PTPN5: variants seen among roughly 807,000 people sequenced by gnomAD.
PTPN5 encodes tyrosine-protein phosphatase non-receptor type 5.
PTPN5 carries 29 observed loss-of-function variants against 73.9 expected under a neutral mutation model. The ratio of observed to expected loss-of-function variants is 0.39; its 90% CI spans 0.29 to 0.54. The LOEUF (loss-of-function observed/expected upper bound fraction) is 0.54, where lower values mean the gene tolerates loss of function less well. PTPN5 is among the 20% of genes least tolerant of loss of function. The pLI, the probability that PTPN5 is intolerant of heterozygous loss-of-function variation, is 0.65. For synonymous variants in PTPN5, 267 were observed against 304.7 expected, an observed-to-expected ratio of 0.88 and a Z score of 1.29; for missense variants, 652 against 751.4, an observed-to-expected ratio of 0.87 and a Z score of 1.55.
rs1398041055 is a variant in PTPN5 at position 18,729,987 on chromosome 11, G to C, written c.1330-169C>G. On this transcript the variant is annotated intron_variant, in intron 12 of 14. Transcript: ENST00000358540. The surrounding 1 kb of genome is among the most constrained non-coding windows in gnomAD (Gnocchi z 5.2). ...ACATTGCCCAGTGGCACCAGACACAGACCCAAAGCCAGCTTGGTTTTGGGG... is the reference window on the plus strand; with the variant it reads ...ACATTGCCCAGTGGCACCAGACACACACCCAAAGCCAGCTTGGTTTTGGGG... 3.5e-6 allele frequency: 3 copies of C among 865,086 alleles called. No homozygotes were observed. Among genetic ancestry groups the C allele is most frequent in the South Asian group, 3.3e-5 (2 of 61,356 alleles). The allele number at this position is 865,086 out of a possible 1,614,324, so 53.6% of individuals were successfully genotyped here.
At chr11:18,753,152 AC>A (rs1849969868) in intron 3 of PTPN5, among the ~76,000 whole-genome samples, 1 of 152,208 alleles carries the variant, frequency 6.6e-6, no homozygotes, top group Non-Finnish European at 1.5e-5. Context: ...AATCCAGGTG[AC>A]AGGAAGTGAA....
At chr11:18,770,636 C>T (rs533712550) in intron 2 of PTPN5, among the ~76,000 whole-genome samples, 3 of 152,340 alleles carry the variant, frequency 2.0e-5, no homozygotes, top group East Asian at 1.9e-4. Context: ...CCTCCCATCA[C>T]GCTTGTGGTT....
chr11:18,782,372 T>C (rs1851476938), intron 1 of PTPN5, among the ~76,000 whole-genome samples: 1 of 151,930 alleles, frequency 6.6e-6, no homozygotes, highest in South Asian at 2.1e-4. Context: ...GGACTACAGG[T>C]GTGTACCACC....
chr11:18,744,018 G>A lies in PTPN5; in HGVS notation c.279C>T (p.Ala93=), dbSNP rs1239471146. The change falls in exon 4 of 15, where the codon GCC becomes GCT. Residue 93 remains alanine (A), a synonymous_variant. Coordinates refer to ENST00000358540, the MANE Select transcript of PTPN5 (RefSeq NM_006906.2). ...TVRSSLCLFA[A]SQFLLACGVL... The stretch of plus-strand genomic sequence containing the variant: ...GTGCCATCCTTACCAGGAACTGTGA[G>A]GCAGCGAACAGGCACAGGCTGCTCC... 5 of 1,601,906 alleles carry A rather than the reference G, an allele frequency of 3.1e-6. No individual in the cohort carries two copies. The highest frequency in any genetic ancestry group is 2.3e-5 in the East Asian group (1 of 44,100).
intron 1 of PTPN5, among the ~76,000 whole-genome samples, chr11:18,775,104 T>C (rs75908766): frequency 0.014 from 2,201 of 152,288 alleles, 49 homozygotes; most frequent in African/African-American, 0.05. Flanking sequence ...TACTAACGTT[T>C]CCTGCATTTT....
chr11:18,733,711 G>A lies in PTPN5; in HGVS notation c.1001-76C>T. The A allele has an allele frequency of 8.0e-7, 1 of 1,257,404 alleles. No individual in the cohort carries two copies. Among genetic ancestry groups the A allele is most frequent in the Non-Finnish European group, 1.2e-6 (1 of 857,500 alleles). 77.9% of individuals were successfully genotyped at this position (1,257,404 alleles called of 1,614,324 possible). ...GACCCACTTGCTCTGGCCTATTCCAGCATACCCACACTTCTTCTGCGACAT... is the reference window on the plus strand; with the variant it reads ...GACCCACTTGCTCTGGCCTATTCCAACATACCCACACTTCTTCTGCGACAT... On this transcript the variant is annotated intron_variant, in intron 9 of 14. Coordinates refer to ENST00000358540, the MANE Select transcript of PTPN5 (RefSeq NM_006906.2). This position sits in a 1 kb window ranked among gnomAD's most constrained non-coding sequence, Gnocchi z 4.3.
chr11:18,781,760 A>C (rs528248376), intron 1 of PTPN5, among the ~76,000 whole-genome samples: 1 of 152,138 alleles, frequency 6.6e-6, no homozygotes, highest in African/African-American at 2.4e-5. Flanking sequence ...ACAGATAACT[A>C]AGAGCCAGTC....
intron 11 of PTPN5, 142 bp from the exon 12 acceptor site, chr11:18,732,844 C>T (rs1423658347): frequency 2.9e-6 from 2 of 678,964 alleles, no homozygotes; most frequent in East Asian, 5.4e-5. Context: ...CAGCTGCAAA[C>T]TCTATAAGCT....
chr11:18,740,862 G>T, intron 7 of PTPN5, 70 bp from the exon 8 acceptor site: 1 of 1,100,080 alleles, frequency 9.1e-7, no homozygotes, highest in Non-Finnish European at 1.2e-6. Context: ...GGTCTCCAGG[G>T]CTGGGAAAAT....
intron 1 of PTPN5, among the ~76,000 whole-genome samples, chr11:18,781,374 C>T (rs1851422972): frequency 7.1e-6 from 1 of 140,012 alleles, no homozygotes; most frequent in African/African-American, 2.6e-5. Context: ...GGCTGGAGCG[C>T]AGCGGCGCGA....
At chr11:18,772,171 G>A (rs1802809496) in intron 1 of PTPN5, 100 bp from the exon 2 acceptor site, 1 of 532,838 alleles carries the variant, frequency 1.9e-6, no homozygotes, top group African/African-American at 2.0e-5. Context: ...TTTCCTTCTG[G>A]GAGTCACCTT....
chr11:18,738,210 C>T (rs1849202759), intron 8 of PTPN5, among the ~76,000 whole-genome samples: 1 of 152,216 alleles, frequency 6.6e-6, no homozygotes, highest in East Asian at 1.9e-4. Context: ...CATATATAGA[C>T]AGTCAATAAA....
At chr11:18,770,739 C>T (rs1850848045) in intron 2 of PTPN5, among the ~76,000 whole-genome samples, 1 of 152,228 alleles carries the variant, frequency 6.6e-6, no homozygotes, top group Admixed American at 6.5e-5. Context: ...AAGGTCATCA[C>T]CTTCCTCTGC....
At chr11:18,775,074 C>T (rs768979611) in intron 1 of PTPN5, among the ~76,000 whole-genome samples, 30 of 152,204 alleles carry the variant, frequency 2.0e-4, no homozygotes, top group Non-Finnish European at 3.8e-4. Context: ...TCAGTCCTCA[C>T]AGCAGCCCCT....
chr11:18,764,635 A>G (rs908447014), intron 3 of PTPN5, among the ~76,000 whole-genome samples: 4 of 152,230 alleles, frequency 2.6e-5, no homozygotes, highest in Non-Finnish European at 5.9e-5. Flanking sequence ...GTTCCTTGCC[A>G]ATCATGAGGT....
intron 12 of PTPN5, chr11:18,730,162 T>A: frequency 2.1e-6 from 1 of 473,434 alleles, no homozygotes. Context: ...CATCCCTTTG[T>A]CACATAACCC....
At chr11:18,734,555 C>G (rs958876406) in intron 9 of PTPN5, among the ~76,000 whole-genome samples, 14 of 152,178 alleles carry the variant, frequency 9.2e-5, no homozygotes, top group African/African-American at 3.4e-4. Flanking sequence ...GGCTGGTCTC[C>G]AATTCCTGGC....
rs776090058 is a variant in PTPN5, at chr11:18,728,271, G to A, written c.*663C>T. The A allele has an allele frequency of 3.9e-5, 6 of 152,206 alleles. No individual in the cohort carries two copies. Among genetic ancestry groups the A allele is most frequent in the Non-Finnish European group, 7.3e-5 (5 of 68,078 alleles). The allele number at this position is 152,206 out of a possible 1,614,324, so 9.4% of individuals were successfully genotyped here. On this transcript the variant is annotated 3_prime_UTR_variant, in exon 15 of 15. Transcript: ENST00000358540. This position sits in a 1 kb window ranked among gnomAD's most constrained non-coding sequence, Gnocchi z 4.1. ...TCCCCAACAGGGCCTAGATCCTCTG[G>A]GTTCTCCATGCCCCATCTGCCCCCT...
chr11:18,778,839 C>T (rs1374975509), intron 1 of PTPN5, among the ~76,000 whole-genome samples: 1 of 152,174 alleles, frequency 6.6e-6, no homozygotes, highest in African/African-American at 2.4e-5. Flanking sequence ...GTCTGATACA[C>T]CCCGGAACTA....
Sources: allele counts gnomAD v4.1 joint callset (sites outside exome capture counted in the v4.1 genomes callset), GRCh38; gene constraint gnomAD v4.1.1; non-coding constraint Gnocchi (gnomAD v3.1); transcripts MANE v1.5; gene names NCBI Gene and HGNC (gene_info 2026-07-23, HGNC 2026-07-21).